STXBP5L: variants seen among roughly 807,000 people sequenced by gnomAD.
STXBP5L encodes syntaxin-binding protein 5-like.
In STXBP5L, 65 loss-of-function variants were observed where a neutral mutation model predicts 144.5. That is an observed-to-expected ratio of 0.45 (90% CI 0.37 to 0.55). The LOEUF (loss-of-function observed/expected upper bound fraction) is 0.55. Among genes scored for constraint, STXBP5L ranks in the 20% least tolerant of loss-of-function variants. STXBP5L has a pLI of 0.00. For synonymous variants in STXBP5L, 505 were observed against 469.6 expected, an observed-to-expected ratio of 1.08 and a Z score of -0.97; for missense variants, 1,298 against 1,405.5, an observed-to-expected ratio of 0.92 and a Z score of 1.22.
At chr3:120,963,365 G>A (rs1457943867) in intron 3 of STXBP5L, among the ~76,000 whole-genome samples, 1 of 152,120 alleles carries the variant, frequency 6.6e-6, no homozygotes, top group Non-Finnish European at 1.5e-5. Flanking sequence ...GTTTTCAAAG[G>A]GAATGCTTCC....
intron 7 of STXBP5L, among the ~76,000 whole-genome samples, chr3:121,143,339 A>C (rs2045584778): frequency 6.6e-6 from 1 of 151,708 alleles, no homozygotes; most frequent in African/African-American, 2.4e-5. Context: ...TGTCATCAGC[A>C]TTACCCTGAC....
At chr3:121,090,468 C>A (rs1335510733) in intron 5 of STXBP5L, among the ~76,000 whole-genome samples, 1 of 152,072 alleles carries the variant, frequency 6.6e-6, no homozygotes, top group Non-Finnish European at 1.5e-5. Flanking sequence ...ATATTTTATC[C>A]ATATAGATGT....
At chr3:121,400,935 G>A (rs1576358176) in intron 22 of STXBP5L, among the ~76,000 whole-genome samples, 1 of 151,896 alleles carries the variant, frequency 6.6e-6, no homozygotes, top group East Asian at 1.9e-4. Flanking sequence ...AACATAAATA[G>A]CAAATATAAA....
At chr3:120,996,797 T>C (rs1461467843) in intron 3 of STXBP5L, among the ~76,000 whole-genome samples, 1 of 152,184 alleles carries the variant, frequency 6.6e-6, no homozygotes, top group Non-Finnish European at 1.5e-5. Flanking sequence ...TTCCCACTTT[T>C]CTTGCTTTCC....
At chr3:121,024,999 G>A (rs973921129) in intron 3 of STXBP5L, among the ~76,000 whole-genome samples, 2 of 152,018 alleles carry the variant, frequency 1.3e-5, no homozygotes, top group South Asian at 2.1e-4. Context: ...TTAAATTGAG[G>A]TCTCCAAAAC....
At chr3:120,983,306 C>T (rs186865740) in intron 3 of STXBP5L, among the ~76,000 whole-genome samples, 10 of 152,004 alleles carry the variant, frequency 6.6e-5, no homozygotes, top group South Asian at 4.2e-4. Context: ...ATATGTATAT[C>T]GGGGCAGGCG....
At chr3:121,023,520 C>T (rs906665392) in intron 3 of STXBP5L, among the ~76,000 whole-genome samples, 4 of 152,100 alleles carry the variant, frequency 2.6e-5, no homozygotes, top group Non-Finnish European at 5.9e-5. Context: ...GTTACCAAAA[C>T]AGTGGTATTG....
intron 5 of STXBP5L, among the ~76,000 whole-genome samples, chr3:121,054,823 A>G (rs542075955): frequency 6.6e-6 from 1 of 151,914 alleles, no homozygotes; most frequent in East Asian, 1.9e-4. Context: ...CACCATATTG[A>G]TTTTATCTTT....
intron 5 of STXBP5L, among the ~76,000 whole-genome samples, chr3:121,101,665 A>C (rs775519899): frequency 1.3e-5 from 2 of 152,110 alleles, no homozygotes; most frequent in Non-Finnish European, 2.9e-5. Context: ...CCCCTTGAGA[A>C]CTGGAACGAG....
chr3:120,944,765 C>G (rs371966781), intron 2 of STXBP5L, among the ~76,000 whole-genome samples: 23 of 151,838 alleles, frequency 1.5e-4, no homozygotes, highest in African/African-American at 5.5e-4. Flanking sequence ...CTTGTTATTT[C>G]TATCACCGTT....
chr3:121,016,082 A>G (rs1945126422), intron 3 of STXBP5L, among the ~76,000 whole-genome samples: 1 of 152,240 alleles, frequency 6.6e-6, no homozygotes, highest in Admixed American at 6.5e-5. Flanking sequence ...AGTCTCTGGC[A>G]TATATGGCTA....
chr3:121,299,975 CAAAAA>C (rs35062789), intron 19 of STXBP5L, among the ~76,000 whole-genome samples: 4 of 115,730 alleles, frequency 3.5e-5, no homozygotes, highest in African/African-American at 6.5e-5. Context: ...GACCTGATCT[CAAAAA>C]AAAAAAAAAA....
chr3:121,253,846 G>T (rs1272361400), intron 15 of STXBP5L, among the ~76,000 whole-genome samples: 1 of 147,018 alleles, frequency 6.8e-6, no homozygotes, highest in African/African-American at 2.5e-5. Context: ...GTAGAGACGG[G>T]GTTTCACCAC....
intron 18 of STXBP5L, among the ~76,000 whole-genome samples, chr3:121,259,476 T>C (rs2050317398): frequency 6.6e-6 from 1 of 152,048 alleles, no homozygotes; most frequent in African/African-American, 2.4e-5. Flanking sequence ...GGATACTTTC[T>C]TTTGACTTAT....
At chr3:121,355,572 A>G (rs1014511695) in intron 20 of STXBP5L, among the ~76,000 whole-genome samples, 2 of 152,044 alleles carry the variant, frequency 1.3e-5, no homozygotes, top group African/African-American at 4.8e-5. Context: ...TGTTTATTCT[A>G]TTTAGCATTT....
At chr3:121,213,740 G>A (rs1259027473) in intron 10 of STXBP5L, among the ~76,000 whole-genome samples, 1 of 152,140 alleles carries the variant, frequency 6.6e-6, no homozygotes, top group Non-Finnish European at 1.5e-5. Flanking sequence ...AAAGAGTTAG[G>A]GAGGAGTCTC....
intron 20 of STXBP5L, among the ~76,000 whole-genome samples, chr3:121,352,702 G>T (rs1008111068): frequency 6.6e-6 from 1 of 151,962 alleles, no homozygotes; most frequent in Non-Finnish European, 1.5e-5. Context: ...GCCCTGGCCA[G>T]AACTTCCAAC....
At chr3:121,246,146 T>G (rs2049844396) in intron 14 of STXBP5L, among the ~76,000 whole-genome samples, 1 of 152,180 alleles carries the variant, frequency 6.6e-6, no homozygotes, top group East Asian at 1.9e-4. Context: ...CCACCTGAGC[T>G]CTGCCTCCTG....
At chr3:120,970,662 A>G (rs941620762) in intron 3 of STXBP5L, among the ~76,000 whole-genome samples, 1 of 152,080 alleles carries the variant, frequency 6.6e-6, no homozygotes, top group Admixed American at 6.6e-5. Context: ...GTTGAATTTG[A>G]TGGGTGGCCC....
Sources: allele counts gnomAD v4.1 joint callset (sites outside exome capture counted in the v4.1 genomes callset), GRCh38; gene constraint gnomAD v4.1.1; transcripts MANE v1.5; gene names NCBI Gene and HGNC (gene_info 2026-07-23, HGNC 2026-07-21).